SIPA1L3: variants seen among roughly 807,000 people sequenced by gnomAD.
SIPA1L3 encodes the protein signal induced proliferation associated 1 like 3, also known as signal-induced proliferation-associated 1-like protein 3.
A neutral mutation model predicts 150.1 loss-of-function variants in SIPA1L3; 59 were observed. The ratio of observed to expected loss-of-function variants is 0.39; its 90% confidence interval spans 0.32 to 0.49. The LOEUF (loss-of-function observed/expected upper bound fraction) is 0.49, where lower values mean the gene tolerates loss of function less well. Ranked by LOEUF, SIPA1L3 falls within the 20% of genes least tolerant of loss-of-function variation. The pLI is 0.86. For synonymous variants in SIPA1L3, 1,070 were observed against 1,077.6 expected (o/e 0.99, Z 0.14); for missense variants, 2,211 against 2,489.5 (o/e 0.89, Z 2.38).
chr19:38,085,203 C>T (rs1008749048), intron 3 of SIPA1L3, among the ~76,000 whole-genome samples: 11 of 151,944 alleles, frequency 7.2e-5, no homozygotes, highest in Non-Finnish European at 1.2e-4. Context: ...AGTTCCAGGC[C>T]GGGCACGGTG....
chr19:38,162,322 C>T lies in SIPA1L3; in HGVS notation c.3731C>T (p.Pro1244Leu), dbSNP rs61729129. ...GCCGGAAGCAGCGGGAACAAGCACC[C>T]GTCCAGGCAGGATGCAGCAGGCAAA... ...AIAGSSGNKHPSRQDAAGKDS... is the reference protein window; with the variant it reads ...AIAGSSGNKHLSRQDAAGKDS... The change falls in exon 14 of 22, where the codon CCG becomes CTG. Residue 1244 changes from proline (P) to leucine (L), a missense_variant. Pro to Leu is a moderately conservative substitution (Grantham distance 98). Coordinates refer to ENST00000222345, the MANE Select transcript of SIPA1L3 (RefSeq NM_015073.3). The T allele has an allele frequency of 0.019, 31,378 of 1,614,226 alleles. 374 individuals are homozygous for T. The highest frequency in any genetic ancestry group is 0.023 in the Non-Finnish European group (27,694 of 1,180,008).
intron 1 of SIPA1L3, among the ~76,000 whole-genome samples, chr19:37,963,583 A>G (rs2145577968): frequency 6.6e-6 from 1 of 152,374 alleles, no homozygotes; most frequent in Non-Finnish European, 1.5e-5. Flanking sequence ...GGAACCCCAA[A>G]TTAAACGCCA....
chr19:38,183,734 G>A (rs956258926), intron 16 of SIPA1L3, among the ~76,000 whole-genome samples: 2 of 152,134 alleles, frequency 1.3e-5, no homozygotes, highest in African/African-American at 4.8e-5. Flanking sequence ...GAGAAATGTG[G>A]GACTGAGACT....
chr19:38,205,829 C>T (rs1377207059), intron 21 of SIPA1L3, among the ~76,000 whole-genome samples: 2 of 152,212 alleles, frequency 1.3e-5, no homozygotes, highest in Non-Finnish European at 2.9e-5. Context: ...CAAGCGATGA[C>T]TCCACATGTG....
intron 1 of SIPA1L3, among the ~76,000 whole-genome samples, chr19:37,975,692 TCACCC>T (rs1967058752): frequency 6.6e-6 from 1 of 152,144 alleles, no homozygotes; most frequent in African/African-American, 2.4e-5. Flanking sequence ...TAATAAAAAA[TCACCC>T]CACCCAGGCC....
At chr19:38,011,929 A>T (rs1387794970) in intron 1 of SIPA1L3, among the ~76,000 whole-genome samples, 1 of 152,112 alleles carries the variant, frequency 6.6e-6, no homozygotes, top group Non-Finnish European at 1.5e-5. Context: ...GGTAGTGGCA[A>T]CAGAGTTTGC....
At chr19:38,141,082 A>AC in intron 10 of SIPA1L3, 102 bp from the exon 11 acceptor site, 1 of 891,532 alleles carries the variant, frequency 1.1e-6, no homozygotes, top group Non-Finnish European at 1.6e-6. Flanking sequence ...AAAAAAAAAA[A>AC]GCCATCCCGG....
At chr19:38,086,323 C>G (rs149810166) in intron 3 of SIPA1L3, among the ~76,000 whole-genome samples, 62 of 152,054 alleles carry the variant, frequency 4.1e-4, no homozygotes, top group African/African-American at 1.4e-3. Context: ...AGTACTCATC[C>G]TGGAGCTTTA....
intron 9 of SIPA1L3, among the ~76,000 whole-genome samples, chr19:38,122,228 C>G (rs1020236256): frequency 1.1e-4 from 16 of 152,232 alleles, no homozygotes; most frequent in Non-Finnish European, 2.2e-4. Flanking sequence ...CTCAAAAAAA[C>G]AAACAAAAGC....
rs775477561 is a variant in SIPA1L3, at chr19:38,011,603, GC to G, written c.-378-17484del. ...GAAGCCTGCCTTGAGAATAGCTAGA[GC>G]CACACGTGCAAAGGCCCCAGGGCAA... On this transcript the variant is annotated intron_variant, in intron 1 of 21. Coordinates refer to ENST00000222345, the MANE Select transcript of SIPA1L3 (RefSeq NM_015073.3). 1.7e-3 allele frequency among the ~76,000 whole-genome samples: 256 copies of G among 152,372 alleles called. 1 individual carries two copies. The highest frequency in any genetic ancestry group is 3.4e-3 in the Middle Eastern group (1 of 294).
At chr19:38,066,927 C>G (rs1029279093) in intron 2 of SIPA1L3, among the ~76,000 whole-genome samples, 1 of 152,008 alleles carries the variant, frequency 6.6e-6, no homozygotes, top group Non-Finnish European at 1.5e-5. Context: ...TTGGGAAAAA[C>G]TGTACTGATT....
At chr19:38,064,810 G>T (rs865880379) in intron 2 of SIPA1L3, among the ~76,000 whole-genome samples, 29 of 152,348 alleles carry the variant, frequency 1.9e-4, no homozygotes, top group Admixed American at 1.2e-3. Context: ...GAGTTAAGCT[G>T]TATTATTATC....
At chr19:38,120,890 A>C (rs1478668905) in intron 9 of SIPA1L3, among the ~76,000 whole-genome samples, 2 of 152,260 alleles carry the variant, frequency 1.3e-5, no homozygotes, top group Non-Finnish European at 2.9e-5. Flanking sequence ...TGTGTGCTAA[A>C]TAGAGATAGC....
chr19:38,097,586 C>T (rs1970408316), intron 4 of SIPA1L3, among the ~76,000 whole-genome samples: 1 of 152,102 alleles, frequency 6.6e-6, no homozygotes, highest in Non-Finnish European at 1.5e-5. Context: ...GACGGAGTTT[C>T]ACTCTTGTTG....
At chr19:37,973,162 GTTC>G (rs1010623310) in intron 1 of SIPA1L3, among the ~76,000 whole-genome samples, 2 of 151,266 alleles carry the variant, frequency 1.3e-5, no homozygotes, top group African/African-American at 4.9e-5. Context: ...CAGAACACGT[GTTC>G]TTCTCATAAG....
chr19:38,007,846 A>G (rs1438143223), intron 1 of SIPA1L3, among the ~76,000 whole-genome samples: 1 of 152,044 alleles, frequency 6.6e-6, no homozygotes, highest in Non-Finnish European at 1.5e-5. Context: ...CCTGTCTAAA[A>G]TGGCCCTCCC....
intron 2 of SIPA1L3, among the ~76,000 whole-genome samples, chr19:38,049,927 C>G (rs1969151894): frequency 1.3e-5 from 2 of 152,026 alleles, no homozygotes; most frequent in Admixed American, 1.3e-4. Flanking sequence ...TCTTCATGCC[C>G]CTGTTAACCT....
intron 12 of SIPA1L3, among the ~76,000 whole-genome samples, chr19:38,144,502 A>C (rs1971664012): frequency 1.3e-5 from 2 of 152,230 alleles, no homozygotes; most frequent in African/African-American, 4.8e-5. Context: ...AATACAGATT[A>C]TTGGGCCTGA....
chr19:38,156,035 C>T (rs188867276), intron 13 of SIPA1L3, among the ~76,000 whole-genome samples: 7 of 151,682 alleles, frequency 4.6e-5, no homozygotes, highest in African/African-American at 1.5e-4. Context: ...AAGCTGAGAT[C>T]GCGCCGTTCC....
Sources: gnomAD v4.1 joint callset for allele counts (sites outside exome capture counted in the v4.1 genomes callset) on GRCh38, gnomAD v4.1.1 for gene constraint, MANE v1.5 for transcripts, NCBI Gene and HGNC (gene_info 2026-07-23, HGNC 2026-07-21) for gene names.